The following SASH1 variants were observed in gnomAD, a reference collection of about 807,000 sequenced individuals.
The protein encoded by SASH1 is SAM and SH3 domain-containing protein 1.
Under a neutral mutation model 125.2 loss-of-function variants are expected in SASH1, and 44 were observed. The ratio of observed to expected loss-of-function variants is 0.35; its 90% confidence interval spans 0.28 to 0.45. SASH1 has a LOEUF of 0.45. Ranked by LOEUF, SASH1 falls within the 20% of genes least tolerant of loss-of-function variation. The pLI is 1.00. For missense variants in SASH1, 1,426 were observed against 1,614.5 expected (o/e 0.88, Z 2.00); for synonymous variants, 639 against 649.1 (o/e 0.98, Z 0.24).
Position 148,532,267 on chromosome 6 carries a change from G to A in SASH1, c.1565-530G>A, listed in dbSNP as rs1781565159. On this transcript the variant is annotated intron_variant, in intron 13 of 19. Coordinates refer to ENST00000367467, the MANE Select transcript of SASH1 (RefSeq NM_015278.5). This position sits in a 1 kb window ranked among gnomAD's most constrained non-coding sequence, Gnocchi z 4.7. ...AATTTTGTTGTAGAGACGGGGTTTTGCCATGTAGCCCAGGCTGGTGGAACT... is the reference window on the plus strand; with the variant it reads ...AATTTTGTTGTAGAGACGGGGTTTTACCATGTAGCCCAGGCTGGTGGAACT... Among the ~76,000 whole-genome samples the A allele has an allele frequency of 6.6e-6, 1 of 151,982 alleles. No individual in the cohort carries two copies. Among genetic ancestry groups the A allele is most frequent in the Non-Finnish European group, 1.5e-5 (1 of 68,018 alleles).
intron 2 of SASH1, among the ~76,000 whole-genome samples, chr6:148,431,866 C>T (rs889808849): frequency 1.2e-4 from 18 of 151,836 alleles, no homozygotes; most frequent in Non-Finnish European, 1.5e-5. Flanking sequence ...AGAAAGGGGC[C>T]TCCTTTAAAA....
chr6:148,482,293 CTATG>C (rs1778662016), intron 7 of SASH1, among the ~76,000 whole-genome samples: 2 of 152,268 alleles, frequency 1.3e-5, no homozygotes, highest in South Asian at 4.2e-4. Context: ...TGAGAGAGAT[CTATG>C]ACCGTGATTT....
chr6:148,361,535 G>A (rs932057871), intron 1 of SASH1, among the ~76,000 whole-genome samples: 1 of 151,992 alleles, frequency 6.6e-6, no homozygotes, highest in Non-Finnish European at 1.5e-5. Flanking sequence ...CTGGGAGGCA[G>A]AGGTTGTGGT....
chr6:148,535,918 G>A (rs1340700928), intron 16 of SASH1, among the ~76,000 whole-genome samples: 2 of 152,156 alleles, frequency 1.3e-5, no homozygotes, highest in Non-Finnish European at 2.9e-5. Context: ...AATGTATCAG[G>A]CCTGAGAAAC....
intron 8 of SASH1, among the ~76,000 whole-genome samples, chr6:148,510,116 T>C (rs1147862): frequency 0.21 from 31,694 of 152,194 alleles, 3,765 homozygotes; most frequent in Middle Eastern, 0.34. Flanking sequence ...GTAATGTTGC[T>C]ATGGAAACCA....
At chr6:148,539,510 C>G (rs1782086790) in intron 16 of SASH1, among the ~76,000 whole-genome samples, 1 of 152,286 alleles carries the variant, frequency 6.6e-6, no homozygotes, top group South Asian at 2.1e-4. Context: ...CCAGGTCCAT[C>G]CAAATTGCTG....
At chr6:148,482,027 G>C (rs1778643659) in intron 7 of SASH1, among the ~76,000 whole-genome samples, 1 of 147,618 alleles carries the variant, frequency 6.8e-6, no homozygotes. Flanking sequence ...AGTAAGTTCA[G>C]GACATTCAAT....
chr6:148,251,983 C>T, the SASH1 span, among the ~76,000 whole-genome samples: 2 of 151,944 alleles, frequency 1.3e-5, no homozygotes, highest in African/African-American at 2.4e-5. Context: ...AGGAAATGCA[C>T]ATATTTTCTT....
chr6:148,452,938 C>T (rs974475255), intron 4 of SASH1, among the ~76,000 whole-genome samples: 1 of 152,242 alleles, frequency 6.6e-6, no homozygotes, highest in Non-Finnish European at 1.5e-5. Flanking sequence ...TGCGCTGAAG[C>T]GTGCGTTTGT....
chr6:148,464,991 A>G (rs1403040563), intron 4 of SASH1, among the ~76,000 whole-genome samples: 1 of 152,208 alleles, frequency 6.6e-6, no homozygotes, highest in Non-Finnish European at 1.5e-5. Flanking sequence ...ACCGGAGGAT[A>G]AAATTATTCA....
At chr6:148,199,892 A>G in the SASH1 span, among the ~76,000 whole-genome samples, 2 of 152,132 alleles carry the variant, frequency 1.3e-5, no homozygotes, top group Non-Finnish European at 2.9e-5. Flanking sequence ...AAAGGCAAAG[A>G]CCAGCATGTG....
chr6:148,234,624 G>A, the SASH1 span, among the ~76,000 whole-genome samples: 36 of 151,980 alleles, frequency 2.4e-4, no homozygotes, highest in Non-Finnish European at 4.7e-4. Flanking sequence ...TCAGGAGTTC[G>A]AGACCAGTCT....
At chr6:148,417,630 A>G (rs914151994) in intron 2 of SASH1, among the ~76,000 whole-genome samples, 1 of 146,288 alleles carries the variant, frequency 6.8e-6, no homozygotes, top group Non-Finnish European at 1.5e-5. Context: ...TCCCATAGTC[A>G]AATCAGATAG....
At chr6:148,440,664 C>A (rs886543827) in intron 4 of SASH1, 6 of 469,396 alleles carry the variant, frequency 1.3e-5, no homozygotes, top group Non-Finnish European at 2.3e-5. Flanking sequence ...AATAAATCTC[C>A]GGAAATAGAA....
intron 1 of SASH1, among the ~76,000 whole-genome samples, chr6:148,319,939 A>G (rs1275350140): frequency 6.6e-6 from 1 of 152,176 alleles, no homozygotes; most frequent in Admixed American, 6.5e-5. Flanking sequence ...TCTACACAGT[A>G]GTTGTTTAGT....
intron 2 of SASH1, among the ~76,000 whole-genome samples, chr6:148,407,694 G>A (rs183158373): frequency 7.9e-5 from 12 of 152,252 alleles, no homozygotes; most frequent in East Asian, 1.9e-4. Flanking sequence ...GTGCAGTGGC[G>A]CAGTCTCGGC....
chr6:148,413,540 ATTC>A (rs1784705485), intron 2 of SASH1, among the ~76,000 whole-genome samples: 1 of 152,180 alleles, frequency 6.6e-6, no homozygotes, highest in Non-Finnish European at 1.5e-5. Flanking sequence ...CTGCTGGGAC[ATTC>A]TTGTGGAATG....
chr6:148,351,197 T>G (rs1258945210), intron 1 of SASH1, among the ~76,000 whole-genome samples: 1 of 143,270 alleles, frequency 7.0e-6, no homozygotes, highest in Non-Finnish European at 1.5e-5. Context: ...AGTAGTTTTT[T>G]TTTTTTTTTT....
At chr6:148,245,905 C>A in the SASH1 span, among the ~76,000 whole-genome samples, 2 of 151,488 alleles carry the variant, frequency 1.3e-5, no homozygotes, top group Non-Finnish European at 2.9e-5. Context: ...AGGAGAATGG[C>A]GTGAACCCGG....
Sources: gnomAD v4.1 joint callset for allele counts (sites outside exome capture counted in the v4.1 genomes callset) on GRCh38, gnomAD v4.1.1 for gene constraint, Gnocchi (gnomAD v3.1) non-coding constraint, MANE v1.5 for transcripts, NCBI Gene and HGNC (gene_info 2026-07-23, HGNC 2026-07-21) for gene names.